The following SORBS2 variants were observed in gnomAD, a reference collection of about 807,000 sequenced individuals.
The protein encoded by SORBS2 is sorbin and SH3 domain containing 2.
Under a neutral mutation model 97.7 loss-of-function variants are expected in SORBS2, and 46 were observed. That is an observed-to-expected ratio of 0.47 (90% confidence interval 0.37 to 0.60). The LOEUF (loss-of-function observed/expected upper bound fraction) is 0.60. Among genes scored for constraint, SORBS2 ranks in the 20% least tolerant of loss-of-function variants. The probability of loss-of-function intolerance (pLI) is 0.00; values close to 1 mark genes in which losing one functional copy is unlikely to be tolerated. For synonymous variants in SORBS2, 476 were observed against 473.4 expected, an observed-to-expected ratio of 1.01 and a Z score of -0.07; for missense variants, 1,316 against 1,282.3, an observed-to-expected ratio of 1.03 and a Z score of -0.40.
chr4:185,732,034 C>T (rs564060533), intron 2 of SORBS2, among the ~76,000 whole-genome samples: 43 of 151,610 alleles, frequency 2.8e-4, no homozygotes, highest in Non-Finnish European at 5.4e-4. Context: ...GTCTGTGCTC[C>T]AATATCTGAC....
intron 1 of SORBS2, among the ~76,000 whole-genome samples, chr4:185,778,314 T>G (rs1403970536): frequency 6.6e-6 from 1 of 152,206 alleles, no homozygotes; most frequent in Non-Finnish European, 1.5e-5. Flanking sequence ...TGGCGGGGCC[T>G]GAAATTCTGC....
At chr4:185,925,017 A>G (rs868799126) in intron 1 of SORBS2, among the ~76,000 whole-genome samples, 2 of 152,220 alleles carry the variant, frequency 1.3e-5, no homozygotes, top group Non-Finnish European at 2.9e-5. Context: ...TACACGCAGC[A>G]TTAAAACAAT....
intron 12 of SORBS2, among the ~76,000 whole-genome samples, chr4:185,598,923 G>A (rs1259178556): frequency 6.6e-6 from 1 of 151,984 alleles, no homozygotes; most frequent in Admixed American, 6.6e-5. Flanking sequence ...ATACCATCTC[G>A]TGGACCCACA....
chr4:185,589,800 G>C lies in SORBS2; in HGVS notation c.2847-15C>G. On this transcript the variant is annotated splice_polypyrimidine_tract_variant and intron_variant, in intron 13 of 14. Coordinates refer to ENST00000418609, the Ensembl canonical transcript of SORBS2. ...GAGCCTGAAACCTTAAACAGGACAA[G>C]GGAATGTGTTTAAAAACATCTTGAC... The C allele has an allele frequency of 7.0e-7, 1 of 1,421,452 alleles. No individual in the cohort carries two copies. Among genetic ancestry groups the C allele is most frequent in the Admixed American group, 1.7e-5 (1 of 59,644 alleles). 88.1% of individuals were successfully genotyped at this position (1,421,452 alleles called of 1,614,324 possible). A position where few individuals can be genotyped will look rare whatever the true frequency, so the allele number is the denominator to read the frequency against.
chr4:185,656,542 C>A, intron 1 of SORBS2: 2 of 1,145,004 alleles, frequency 1.7e-6, no homozygotes, highest in South Asian at 2.9e-5. Context: ...CTTGGCCACA[C>A]CCCAGCTTTA....
At chr4:185,587,540 G>T in exon 15 of SORBS2, 1 of 1,180,780 alleles carries the variant, frequency 8.5e-7, no homozygotes, top group South Asian at 1.3e-5. Context: ...CGTAAGGCAT[G>T]ACAACGGGAG....
chr4:185,794,586 G>A (rs1265833436), intron 1 of SORBS2, among the ~76,000 whole-genome samples: 1 of 152,150 alleles, frequency 6.6e-6, no homozygotes, highest in Admixed American at 6.5e-5. Context: ...CCTGGGTCCA[G>A]TTCTCCCCCG....
intron 2 of SORBS2, among the ~76,000 whole-genome samples, chr4:185,701,142 C>T (rs565428203): frequency 6.6e-6 from 1 of 152,148 alleles, no homozygotes; most frequent in Non-Finnish European, 1.5e-5. Context: ...CTTTATTAGC[C>T]ATTTCTCCCC....
chr4:185,797,150 C>T (rs1037089340), intron 1 of SORBS2, among the ~76,000 whole-genome samples: 4 of 152,228 alleles, frequency 2.6e-5, no homozygotes, highest in African/African-American at 9.6e-5. Context: ...CAGGACCACA[C>T]TCGAGTAGAG....
intron 4 of SORBS2, among the ~76,000 whole-genome samples, chr4:185,637,722 A>G (rs940287484): frequency 6.6e-6 from 1 of 152,122 alleles, no homozygotes; most frequent in Non-Finnish European, 1.5e-5. Context: ...CTCAATGTCA[A>G]GGTGCTCTTC....
chr4:185,615,124 A>G, exon 10 of SORBS2: 1 of 1,613,292 alleles, frequency 6.2e-7, no homozygotes, highest in Non-Finnish European at 8.5e-7. Flanking sequence ...TTTCCTGAGG[A>G]TGTAGACAGT....
intron 2 of SORBS2, among the ~76,000 whole-genome samples, chr4:185,767,757 T>A (rs1483139984): frequency 6.6e-6 from 1 of 152,144 alleles, no homozygotes; most frequent in African/African-American, 2.4e-5. Context: ...CTCTTCTCAG[T>A]TACATCTGTG....
At chr4:185,629,706 G>A (rs2096875603) in intron 5 of SORBS2, among the ~76,000 whole-genome samples, 2 of 151,682 alleles carry the variant, frequency 1.3e-5, no homozygotes, top group Non-Finnish European at 2.9e-5. Context: ...GTGACTAGAG[G>A]GGCATGCCAC....
chr4:185,623,716 G>T lies in SORBS2; in HGVS notation c.1413C>A (p.Gly471=), dbSNP rs2096759366. The T allele has an allele frequency of 6.2e-7, 1 of 1,613,942 alleles. No homozygotes were observed. The highest frequency in any genetic ancestry group is 8.5e-7 in the Non-Finnish European group (1 of 1,180,016). ...GGGCGTTAGACTGGCAGCCTCGCCGGCCCCGAGCGGGGGGGCCGCTTTGAT... is the reference window on the plus strand; with the variant it reads ...GGGCGTTAGACTGGCAGCCTCGCCGTCCCCGAGCGGGGGGGCCGCTTTGAT... Residue 471 remains glycine (G), a synonymous_variant, in exon 7 of 15, where the codon GGC becomes GGA. Coordinates refer to ENST00000418609, the Ensembl canonical transcript of SORBS2. This position sits in a 1 kb window ranked among gnomAD's most constrained non-coding sequence, Gnocchi z 6.4.
intron 5 of SORBS2, 102 bp downstream of exon 8, chr4:185,662,002 G>T (rs1242202710): frequency 7.6e-7 from 1 of 1,317,514 alleles, no homozygotes; most frequent in South Asian, 1.4e-5. Context: ...GGTCATGAGT[G>T]CTGAGCGCTC....
intron 12 of SORBS2, among the ~76,000 whole-genome samples, chr4:185,601,911 C>T (rs2096270666): frequency 6.6e-6 from 1 of 152,210 alleles, no homozygotes; most frequent in African/African-American, 2.4e-5. Context: ...CTCTCACTCT[C>T]CTCACAGAGC....
chr4:185,946,200 TG>T (rs1554056142), intron 1 of SORBS2, among the ~76,000 whole-genome samples: 1 of 21,540 alleles, frequency 4.6e-5, no homozygotes. Flanking sequence ...GGGGGGTGGG[TG>T]GGGAAGGAAA....
At chr4:185,611,349 A>C (rs1181645967) in intron 12 of SORBS2, among the ~76,000 whole-genome samples, 3 of 151,804 alleles carry the variant, frequency 2.0e-5, no homozygotes, top group Admixed American at 2.0e-4. Flanking sequence ...ATTATAAATC[A>C]CAATTGTATA....
At chr4:185,646,640 C>T (rs1329872748) in intron 4 of SORBS2, 28 bp downstream of exon 13, 6 of 1,424,102 alleles carry the variant, frequency 4.2e-6, no homozygotes, top group Middle Eastern at 1.8e-4. Flanking sequence ...AGCGAGCTGG[C>T]ATATTCTGTT....
Sources: allele counts gnomAD v4.1 joint callset (sites outside exome capture counted in the v4.1 genomes callset), GRCh38; gene constraint gnomAD v4.1.1; non-coding constraint Gnocchi (gnomAD v3.1); transcripts MANE v1.5; gene names NCBI Gene and HGNC (gene_info 2026-07-23, HGNC 2026-07-21).